PBX3: variants seen among roughly 807,000 people sequenced by gnomAD.
The protein encoded by PBX3 is pre-B-cell leukemia transcription factor 3.
A neutral mutation model predicts 48.5 loss-of-function variants in PBX3; 14 were observed. The ratio of observed to expected loss-of-function variants is 0.29; its 90% CI spans 0.19 to 0.45. The LOEUF (loss-of-function observed/expected upper bound fraction) is 0.45, where lower values mean the gene tolerates loss of function less well. Among genes scored for constraint, PBX3 ranks in the 20% least tolerant of loss-of-function variants. PBX3 has a pLI of 1.00. For synonymous variants in PBX3, 210 were observed against 200.3 expected (o/e 1.05, Z -0.41); for missense variants, 386 against 546.7 (o/e 0.71, Z 2.93).
At chr9:125,792,096 G>A (rs1450212407) in intron 2 of PBX3, among the ~76,000 whole-genome samples, 1 of 151,896 alleles carries the variant, frequency 6.6e-6, no homozygotes, top group Non-Finnish European at 1.5e-5. Context: ...ATAAATATTG[G>A]AGAGTACATG....
chr9:125,802,875 C>G lies in PBX3; in HGVS notation c.274+54252C>G, dbSNP rs1023798969. On this transcript the variant is annotated intron_variant, in intron 2 of 8. Transcript: ENST00000373489. Reference sequence around the variant, plus strand: ...TGTACTTTTAGTAGAGACAAGGTTTCCCCATATCGGTCAAACTGGTCTCGA... The same window carrying G: ...TGTACTTTTAGTAGAGACAAGGTTTGCCCATATCGGTCAAACTGGTCTCGA... Among the ~76,000 whole-genome samples, 17 of 151,966 alleles carry G rather than the reference C, an allele frequency of 1.1e-4. 1 individual carries two copies. The highest frequency in any genetic ancestry group is 2.9e-5 in the Non-Finnish European group (2 of 68,010).
chr9:125,790,240 CTATT>C (rs1837561997), intron 2 of PBX3, among the ~76,000 whole-genome samples: 1 of 151,596 alleles, frequency 6.6e-6, no homozygotes, highest in African/African-American at 2.4e-5. Context: ...ATTGCAGAGA[CTATT>C]TCTTTCTTTC....
intron 3 of PBX3, among the ~76,000 whole-genome samples, chr9:125,928,392 ATGTGTGTGTGTGTGTGTG>A (rs112869741): frequency 6.4e-5 from 9 of 140,222 alleles, no homozygotes; most frequent in Admixed American, 2.1e-4. Context: ...GGGGAAACAA[ATGTGTGTGTGTGTGTGTG>A]TGTGTGTGTG....
Position 125,915,707 on chromosome 9 carries a change from A to G in PBX3, c.296A>G (p.Gln99Arg). 6.2e-7 allele frequency: 1 copy of G among 1,612,322 alleles called. No homozygotes were observed. The highest frequency in any genetic ancestry group is 8.5e-7 in the Non-Finnish European group (1 of 1,178,800). Residue 99 changes from glutamine (Q) to arginine (R), a missense_variant, in exon 3 of 9, where the codon CAG (glutamine) becomes CGG (arginine). Transcript: ENST00000373489. ...GAAGGTCTCAGCATCAGAGGAGCCC[A>G]GGAGGAGGACCCTCCCGATCCCCAG... ...EKTGLSIRGA[Q>R]EEDPPDPQLM... is the part of the protein sequence containing the mutation.
intron 2 of PBX3, among the ~76,000 whole-genome samples, chr9:125,853,279 A>G (rs1293847436): frequency 6.6e-6 from 1 of 152,212 alleles, no homozygotes; most frequent in Non-Finnish European, 1.5e-5. Context: ...TATAGCCATG[A>G]TTTCCTCAAG....
chr9:125,894,349 C>T (rs1264652337), intron 2 of PBX3, among the ~76,000 whole-genome samples: 2 of 152,078 alleles, frequency 1.3e-5, no homozygotes, highest in Non-Finnish European at 2.9e-5. Context: ...ACTTAGAGAA[C>T]TGAGTCCATA....
At chr9:125,774,754 G>T (rs1837026854) in intron 2 of PBX3, among the ~76,000 whole-genome samples, 1 of 151,732 alleles carries the variant, frequency 6.6e-6, no homozygotes. Flanking sequence ...AATTCTTTTG[G>T]TGTACAGCTA....
intron 2 of PBX3, among the ~76,000 whole-genome samples, chr9:125,818,237 A>G (rs557690470): frequency 7.5e-4 from 114 of 151,958 alleles, no homozygotes; most frequent in Non-Finnish European, 1.4e-3. Flanking sequence ...AAAACCAGAT[A>G]TAGTATTACC....
At chr9:125,879,125 T>C (rs1588252081) in intron 2 of PBX3, among the ~76,000 whole-genome samples, 2 of 144,300 alleles carry the variant, frequency 1.4e-5, no homozygotes, top group African/African-American at 2.5e-5. Flanking sequence ...TCGCCCAGGC[T>C]GGAGTGCAGT....
At chr9:125,895,914 A>G (rs988092075) in intron 2 of PBX3, among the ~76,000 whole-genome samples, 1 of 152,072 alleles carries the variant, frequency 6.6e-6, no homozygotes, top group Non-Finnish European at 1.5e-5. Flanking sequence ...AGTTCAGTTT[A>G]ATTCTCAGAT....
intron 2 of PBX3, among the ~76,000 whole-genome samples, chr9:125,868,629 A>G (rs575766195): frequency 6.6e-6 from 1 of 152,350 alleles, no homozygotes; most frequent in South Asian, 2.1e-4. Context: ...GCAGCTTAAG[A>G]AACAAAATCA....
chr9:125,960,430 G>C (rs1479823820), intron 5 of PBX3, among the ~76,000 whole-genome samples: 1 of 152,150 alleles, frequency 6.6e-6, no homozygotes, highest in Admixed American at 6.5e-5. Flanking sequence ...TATCTTTTAT[G>C]AGCAGCGCTC....
At chr9:125,761,201 A>T (rs1564641262) in intron 2 of PBX3, among the ~76,000 whole-genome samples, 1 of 151,566 alleles carries the variant, frequency 6.6e-6, no homozygotes, top group Non-Finnish European at 1.5e-5. Flanking sequence ...TCTAATAAAT[A>T]GTTTCTTTTT....
intron 2 of PBX3, among the ~76,000 whole-genome samples, chr9:125,884,693 A>G (rs544845493): frequency 1.3e-5 from 2 of 152,310 alleles, no homozygotes; most frequent in South Asian, 4.1e-4. Flanking sequence ...CTAAATGCCA[A>G]CAAACACTAG....
chr9:125,932,365 G>A (rs1841737422), intron 4 of PBX3, among the ~76,000 whole-genome samples: 2 of 152,184 alleles, frequency 1.3e-5, no homozygotes, highest in Non-Finnish European at 2.9e-5. Flanking sequence ...TGAAAGTCAT[G>A]TAGGCTCCTT....
At position 125,966,546 on chromosome 9, in the gene PBX3, T is replaced by G. The variant is rs1842537099; in HGVS notation, c.*623T>G. On this transcript the variant is annotated 3_prime_UTR_variant, in exon 9 of 9. Transcript: ENST00000373489. ...CCCAGAGTCTGCTCGGTAATAAAAT[T>G]ATGGATCCAGATTGTTCTGAGAGAC... 1 of 152,570 alleles carries G rather than the reference T, an allele frequency of 6.6e-6. No individual in the cohort carries two copies. The highest frequency in any genetic ancestry group is 6.5e-5 in the Admixed American group (1 of 15,272). 9.5% of individuals were successfully genotyped at this position (152,570 alleles called of 1,614,324 possible).
intron 2 of PBX3, among the ~76,000 whole-genome samples, chr9:125,873,714 C>A (rs1466244649): frequency 1.3e-5 from 2 of 151,986 alleles, no homozygotes; most frequent in African/African-American, 4.8e-5. Flanking sequence ...TTTTTAGCTT[C>A]AAATGTTTAC....
Position 125,815,649 on chromosome 9 carries a change from G to A in PBX3, c.274+67026G>A, listed in dbSNP as rs1186238192. ...ACCTCTTAATTATTTTTGGAGAATG[G>A]TTGTCTGACTTCTCCTTTGGGCAAA... is the stretch of plus-strand genomic sequence containing the variant. On this transcript the variant is annotated intron_variant, in intron 2 of 8. Coordinates refer to ENST00000373489, the MANE Select transcript of PBX3 (RefSeq NM_006195.6). Among the ~76,000 whole-genome samples the A allele has an allele frequency of 2.6e-5, 4 of 151,832 alleles. No homozygotes were observed. In the East Asian group the frequency reaches 5.8e-4, roughly 22 times the overall value.
intron 2 of PBX3, among the ~76,000 whole-genome samples, chr9:125,775,229 G>A (rs1367507887): frequency 5.3e-5 from 8 of 152,192 alleles, no homozygotes; most frequent in African/African-American, 1.9e-4. Context: ...CCAGTAGTGA[G>A]TGTGAATTGA....
Sources: allele counts gnomAD v4.1 joint callset (sites outside exome capture counted in the v4.1 genomes callset), GRCh38; gene constraint gnomAD v4.1.1; transcripts MANE v1.5; gene names NCBI Gene and HGNC (gene_info 2026-07-23, HGNC 2026-07-21).